UGT1A3: variants seen among roughly 807,000 people sequenced by gnomAD.
UGT1A3 encodes UDP glucuronosyltransferase family 1 member A3.
UGT1A3 carries 31 observed loss-of-function variants against 41.0 expected under a neutral mutation model. The ratio of observed to expected loss-of-function variants is 0.76; its 90% CI spans 0.57 to 1.02. UGT1A3 has a LOEUF of 1.02. Ranked by LOEUF, UGT1A3 falls within the 50% of genes least tolerant of loss-of-function variation. UGT1A3 has a pLI of 0.00. For missense variants in UGT1A3, 737 were observed against 671.0 expected (o/e 1.10, Z -1.09); for synonymous variants, 262 against 257.6 (o/e 1.02, Z -0.17).
At chr2:233,761,798 T>C (rs573844066) in intron 1 of UGT1A3, among the ~76,000 whole-genome samples, 7 of 152,144 alleles carry the variant, frequency 4.6e-5, no homozygotes, top group Non-Finnish European at 1.0e-4. Context: ...CAGCAGAGGA[T>C]AGAAAAGAAC....
intron 1 of UGT1A3, among the ~76,000 whole-genome samples, chr2:233,739,543 T>G (rs555327898): frequency 6.6e-6 from 1 of 152,334 alleles, no homozygotes; most frequent in South Asian, 2.1e-4. Context: ...TTTTGGAGCT[T>G]TAAGATTTAA....
At chr2:233,743,042 G>A (rs554129345) in intron 1 of UGT1A3, 2 of 311,812 alleles carry the variant, frequency 6.4e-6, no homozygotes, top group East Asian at 8.2e-5. Flanking sequence ...GGTCCTATCC[G>A]TGTAGTCCCA....
At chr2:233,752,715 G>T (rs1184638783) in intron 1 of UGT1A3, among the ~76,000 whole-genome samples, 2 of 152,110 alleles carry the variant, frequency 1.3e-5, no homozygotes, top group African/African-American at 4.8e-5. Flanking sequence ...ATCTTGCCTA[G>T]GCAACAGCTA....
intron 1 of UGT1A3, among the ~76,000 whole-genome samples, chr2:233,758,385 T>A (rs1230615266): frequency 6.6e-6 from 1 of 152,262 alleles, no homozygotes; most frequent in Non-Finnish European, 1.5e-5. Context: ...TGGTGACTTA[T>A]GTGTTTATAG....
intron 1 of UGT1A3, among the ~76,000 whole-genome samples, chr2:233,733,657 G>A (rs1194673085): frequency 2.0e-5 from 3 of 152,158 alleles, no homozygotes; most frequent in South Asian, 2.1e-4. Context: ...GGATGAAGCC[G>A]ACTTGATCGA....
In UGT1A3 at chr2:233,729,398, G is replaced by A. The variant is rs540607993; in HGVS notation, c.272G>A (p.Arg91His). The change falls in exon 1 of 5, where the codon CGC becomes CAC. Residue 91 changes from arginine (R) to histidine (H), a missense_variant. Arg to His is a conservative substitution (Grantham distance 29). Coordinates refer to ENST00000482026, the MANE Select transcript of UGT1A3 (RefSeq NM_019093.4). ...AISWTQDEFD[R>H]HVLGHTQLYF... The stretch of plus-strand genomic sequence containing the variant: ...TCGTGGACCCAGGATGAATTTGATC[G>A]CCATGTGCTGGGCCACACTCAACTG... 219 of 1,613,654 alleles carry A rather than the reference G, an allele frequency of 1.4e-4. 1 individual carries two copies. The South Asian group carries it at 1.7e-3, about 12-fold the overall frequency.
chr2:233,730,574 G>A (rs1277853896), intron 1 of UGT1A3, among the ~76,000 whole-genome samples: 1 of 152,170 alleles, frequency 6.6e-6, no homozygotes, highest in African/African-American at 2.4e-5. Context: ...ACGAAGTTCA[G>A]TTTCCAGACA....
intron 1 of UGT1A3, among the ~76,000 whole-genome samples, chr2:233,751,872 G>C (rs151015857): frequency 6.6e-6 from 1 of 152,110 alleles, no homozygotes; most frequent in Non-Finnish European, 1.5e-5. Context: ...AAATTACCCC[G>C]TCTTGGGTAT....
Position 233,769,813 on chromosome 2 carries a change from C to A in UGT1A3, c.1307+1374C>A. 2.1e-6 allele frequency: 2 copies of A among 945,300 alleles called. No individual in the cohort carries two copies. The highest frequency in any genetic ancestry group is 2.9e-6 in the Non-Finnish European group (2 of 681,442). 58.6% of individuals were successfully genotyped at this position (945,300 alleles called of 1,614,324 possible). On this transcript the variant is annotated intron_variant, in intron 4 of 4. Coordinates refer to ENST00000482026, the MANE Select transcript of UGT1A3 (RefSeq NM_019093.4). This position sits in a 1 kb window ranked among gnomAD's most constrained non-coding sequence, Gnocchi z 4.4. ...GAGGCTGCTATGAGCCGTGATCATG[C>A]CACTGCACTCCAGCAACCTGGGCAA...
rs1272833298 is a variant in UGT1A3, at chr2:233,768,361, C to T, written c.1229C>T (p.Ala410Val). ...DNAKRMETKG[A>V]GVTLNVLEMT... is the part of the protein sequence containing the mutation. ...GCAAAGCGCATGGAGACTAAGGGAG[C>T]TGGAGTGACCCTGAATGTTCTGGAA... Residue 410 changes from alanine to valine, a missense_variant, in exon 4 of 5, where the codon GCT becomes GTT. Physicochemically the swap from Ala to Val is moderately conservative, Grantham distance 64. Coordinates refer to ENST00000482026, the MANE Select transcript of UGT1A3 (RefSeq NM_019093.4). 1 of 1,614,004 alleles carries T rather than the reference C, an allele frequency of 6.2e-7. No individual in the cohort carries two copies. The highest frequency in any genetic ancestry group is 1.3e-5 in the African/African-American group (1 of 74,914).
At chr2:233,752,601 A>T (rs969086099) in intron 1 of UGT1A3, 2 of 152,086 alleles carry the variant, frequency 1.3e-5, no homozygotes, top group Non-Finnish European at 2.9e-5. Flanking sequence ...GATTTTTTTT[A>T]AAAAAACATT....
At chr2:233,760,823 T>G in intron 1 of UGT1A3, 1 of 1,613,528 alleles carries the variant, frequency 6.2e-7, no homozygotes, top group Non-Finnish European at 8.5e-7. Context: ...CCATGCAGCC[T>G]GGAATTTGAG....
rs1443112600 is a variant in UGT1A3 at position 233,729,594 on chromosome 2, C to T, written c.468C>T (p.Leu156=). 5 of 1,614,106 alleles carry T rather than the reference C, an allele frequency of 3.1e-6. No individual in the cohort carries two copies. The highest frequency in any genetic ancestry group is 4.2e-6 in the Non-Finnish European group (5 of 1,179,976). Residue 156 remains leucine, a synonymous_variant, in exon 1 of 5, where the codon CTC becomes CTT. Transcript: ENST00000482026. ...FDVVLTDPVN[L]CAAVLAKYLS... is the part of the protein sequence containing the mutation. ...TGGTTTTAACAGACCCCGTTAACCT[C>T]TGCGCGGCAGTGCTGGCTAAGTACC...
chr2:233,770,570 A>G (rs1700111359), intron 4 of UGT1A3: 2 of 152,086 alleles, frequency 1.3e-5, no homozygotes. Context: ...AGGCAGGAAA[A>G]TCACTTGAAC....
chr2:233,772,862 C>A lies in UGT1A3; in HGVS notation c.*303C>A. 1 of 682,608 alleles carries A rather than the reference C, an allele frequency of 1.5e-6. No homozygotes were observed. The highest frequency in any genetic ancestry group is 2.2e-6 in the Non-Finnish European group (1 of 464,492). 42.3% of individuals were successfully genotyped at this position (682,608 alleles called of 1,614,324 possible). A position where few individuals can be genotyped will look rare whatever the true frequency, so the allele number is the denominator to read the frequency against. On this transcript the variant is annotated 3_prime_UTR_variant, in exon 5 of 5. Coordinates refer to ENST00000482026, the MANE Select transcript of UGT1A3 (RefSeq NM_019093.4). ...TTACTTTTCTTACTCTGAAACATGGCCTGTTTGGGAGTGCGGGATTCAAAG... is the reference window on the plus strand; with the variant it reads ...TTACTTTTCTTACTCTGAAACATGGACTGTTTGGGAGTGCGGGATTCAAAG...
rs140117903 is a variant in UGT1A3, at chr2:233,736,068, T to A, written c.867+6075T>A. On this transcript the variant is annotated intron_variant, in intron 1 of 4. Transcript: ENST00000482026. ...TTGAATGTTGGCCTGCCTTGCTAGG[T>A]TTGGGAAGTTCTCCTGGATAATATC... Among the ~76,000 whole-genome samples, 1,506 of 152,332 alleles carry A rather than the reference T, an allele frequency of 9.9e-3. 21 individuals carry two copies. Among genetic ancestry groups the A allele is most frequent in the African/African-American group, 0.035 (1,437 of 41,570 alleles).
chr2:233,759,973 C>G (rs1206858232), intron 1 of UGT1A3, among the ~76,000 whole-genome samples: 2 of 152,170 alleles, frequency 1.3e-5, no homozygotes, highest in African/African-American at 4.8e-5. Context: ...TTCTTCCTCT[C>G]TGGTAACACT....
intron 1 of UGT1A3, among the ~76,000 whole-genome samples, chr2:233,736,967 T>A (rs2078831080): frequency 6.6e-6 from 1 of 151,890 alleles, no homozygotes; most frequent in African/African-American, 2.4e-5. Context: ...TACTGGGAGG[T>A]GTTTCCCAGT....
chr2:233,761,777 C>T (rs1456855794), intron 1 of UGT1A3, among the ~76,000 whole-genome samples: 1 of 152,206 alleles, frequency 6.6e-6, no homozygotes, highest in Non-Finnish European at 1.5e-5. Context: ...TTCACATCCT[C>T]ATCGAAATCT....
Sources: allele counts gnomAD v4.1 joint callset (sites outside exome capture counted in the v4.1 genomes callset), GRCh38; gene constraint gnomAD v4.1.1; non-coding constraint Gnocchi (gnomAD v3.1); transcripts MANE v1.5; gene names NCBI Gene and HGNC (gene_info 2026-07-23, HGNC 2026-07-21).